Variants in INSC observed in about 807,000 individuals in gnomAD.
INSC encodes protein inscuteable homolog.
In INSC, 67 loss-of-function variants were observed where a neutral mutation model predicts 58.6. That is an observed-to-expected ratio of 1.14 (90% CI 0.94 to 1.40). INSC has a LOEUF of 1.40. Ranked by LOEUF, INSC falls within the 40% of genes most tolerant of loss-of-function variation. The pLI is 0.00. For missense variants in INSC, 714 were observed against 692.0 expected (o/e 1.03, Z -0.36); for synonymous variants, 262 against 276.1 (o/e 0.95, Z 0.51).
At chr11:15,119,046 C>T (rs1285358569) in intron 1 of INSC, among the ~76,000 whole-genome samples, 1 of 152,194 alleles carries the variant, frequency 6.6e-6, no homozygotes, top group African/African-American at 2.4e-5. Flanking sequence ...AGTGAATGTC[C>T]ACTGACCACG....
At chr11:15,120,463 A>G (rs1343094450) in intron 1 of INSC, among the ~76,000 whole-genome samples, 1 of 152,180 alleles carries the variant, frequency 6.6e-6, no homozygotes, top group Non-Finnish European at 1.5e-5. Context: ...CGAAAGTGTA[A>G]GTACTTGGTG....
chr11:15,139,077 T>G (rs1040028673), intron 1 of INSC, among the ~76,000 whole-genome samples: 1 of 152,208 alleles, frequency 6.6e-6, no homozygotes, highest in Non-Finnish European at 1.5e-5. Flanking sequence ...TATAAGAGAT[T>G]GTACAATTCT....
At chr11:15,247,733 G>GTATATA (rs57312382), downstream of INSC, among the ~76,000 whole-genome samples, 241 of 127,492 alleles carry the variant, frequency 1.9e-3, 3 homozygotes, top group Middle Eastern at 8.3e-3. Flanking sequence ...TAGAAATAAG[G>GTATATA]TATATATATA....
At chr11:15,212,259 G>A (rs916842968) in intron 7 of INSC, among the ~76,000 whole-genome samples, 2 of 151,970 alleles carry the variant, frequency 1.3e-5, no homozygotes, top group East Asian at 1.9e-4. Context: ...GTGCCACCGC[G>A]CCCAGCTAAT....
chr11:15,112,929 T>C (rs1477750696), upstream of INSC, among the ~76,000 whole-genome samples: 1 of 152,106 alleles, frequency 6.6e-6, no homozygotes, highest in Non-Finnish European at 1.5e-5. Context: ...AATGTACATA[T>C]GGGAAAACTG....
chr11:15,220,049 G>A (rs1453055183), intron 7 of INSC, among the ~76,000 whole-genome samples: 1 of 152,208 alleles, frequency 6.6e-6, no homozygotes, highest in East Asian at 1.9e-4. Flanking sequence ...TTCCACATTT[G>A]TCTCCTTTGA....
intron 7 of INSC, among the ~76,000 whole-genome samples, chr11:15,213,882 T>A (rs1387314579): frequency 1.3e-5 from 2 of 152,248 alleles, no homozygotes; most frequent in Non-Finnish European, 2.9e-5. Flanking sequence ...ATTATCATCC[T>A]GAAGGCCTGT....
intron 2 of INSC, among the ~76,000 whole-genome samples, chr11:15,166,571 A>G (rs1424656901): frequency 6.6e-6 from 1 of 152,086 alleles, no homozygotes; most frequent in African/African-American, 2.4e-5. Flanking sequence ...GGAGGTTCCT[A>G]TGTGCCAGTC....
chr11:15,260,174 G>GTT, the INSC span, among the ~76,000 whole-genome samples: 1 of 151,046 alleles, frequency 6.6e-6, no homozygotes, highest in African/African-American at 2.5e-5. Context: ...TCTGTTTTTT[G>GTT]TTTTTTTTGT....
chr11:15,200,622 G>A (rs558057785), intron 6 of INSC, among the ~76,000 whole-genome samples: 1 of 152,074 alleles, frequency 6.6e-6, no homozygotes, highest in South Asian at 2.1e-4. Flanking sequence ...ACTATGAAGG[G>A]TGACATTATT....
intron 5 of INSC, among the ~76,000 whole-genome samples, chr11:15,188,743 C>T (rs867152276): frequency 1.3e-5 from 2 of 152,228 alleles, no homozygotes; most frequent in South Asian, 4.1e-4. Flanking sequence ...TTGCAAAAGA[C>T]ATTGGGTTCG....
At chr11:15,165,236 G>A (rs1444584439) in intron 2 of INSC, among the ~76,000 whole-genome samples, 1 of 152,092 alleles carries the variant, frequency 6.6e-6, no homozygotes, top group Admixed American at 6.6e-5. Context: ...CGCCACCACT[G>A]CCATCTTTCC....
chr11:15,268,523 G>A, the INSC span, among the ~76,000 whole-genome samples: 1 of 152,038 alleles, frequency 6.6e-6, no homozygotes, highest in Non-Finnish European at 1.5e-5. Context: ...TGAAAATCAA[G>A]ATGGCAGAAG....
At chr11:15,190,312 A>T (rs528327331) in intron 5 of INSC, among the ~76,000 whole-genome samples, 1 of 152,346 alleles carries the variant, frequency 6.6e-6, no homozygotes, top group Admixed American at 6.5e-5. Flanking sequence ...TCATAGCTGT[A>T]GCCACTCATT....
chr11:15,130,416 G>A (rs967200142), intron 1 of INSC, among the ~76,000 whole-genome samples: 1 of 152,126 alleles, frequency 6.6e-6, no homozygotes, highest in Non-Finnish European at 1.5e-5. Context: ...AAATAACCAT[G>A]TATTTTTAGG....
At chr11:15,268,050 A>T in the INSC span, among the ~76,000 whole-genome samples, 4 of 152,098 alleles carry the variant, frequency 2.6e-5, no homozygotes, top group East Asian at 7.7e-4. Flanking sequence ...CTCTGCCTGC[A>T]TTCCACCTCC....
intron 7 of INSC, among the ~76,000 whole-genome samples, chr11:15,202,387 A>G (rs1271009650): frequency 6.6e-6 from 1 of 152,178 alleles, no homozygotes; most frequent in African/African-American, 2.4e-5. Context: ...GCTGAAACCA[A>G]TTACAGTTAT....
intron 6 of INSC, among the ~76,000 whole-genome samples, chr11:15,196,875 G>C (rs760964730): frequency 2.0e-5 from 3 of 152,156 alleles, no homozygotes; most frequent in Non-Finnish European, 4.4e-5. Flanking sequence ...GACTGAACTG[G>C]AATTTGAACC....
chr11:15,228,586 G>A (rs965258939), intron 9 of INSC, among the ~76,000 whole-genome samples: 3 of 152,218 alleles, frequency 2.0e-5, no homozygotes, highest in African/African-American at 7.2e-5. Context: ...AGGGCTCTCT[G>A]TAATGAAGAC....
Sources: gnomAD v4.1 joint callset for allele counts (sites outside exome capture counted in the v4.1 genomes callset) on GRCh38, gnomAD v4.1.1 for gene constraint, MANE v1.5 for transcripts, NCBI Gene and HGNC (gene_info 2026-07-23, HGNC 2026-07-21) for gene names.